Variants in MSRA observed in about 807,000 individuals in gnomAD.
MSRA encodes mitochondrial peptide methionine sulfoxide reductase.
In MSRA, 54 loss-of-function variants were observed where a neutral mutation model predicts 31.3. That is an observed-to-expected ratio of 1.73 (90% CI 1.39 to 2.17). The LOEUF (loss-of-function observed/expected upper bound fraction) is 2.17, where lower values mean the gene tolerates loss of function less well. Among genes scored for constraint, MSRA ranks in the 30% most tolerant of loss-of-function variants. The probability of loss-of-function intolerance (pLI) is 0.00; values close to 1 mark genes in which losing one functional copy is unlikely to be tolerated. For synonymous variants in MSRA, 169 were observed against 116.5 expected (o/e 1.45, Z -2.90); for missense variants, 507 against 300.9 (o/e 1.69, Z -5.07).
chr8:10,102,462 A>G (rs1036714976), intron 1 of MSRA, among the ~76,000 whole-genome samples: 2 of 151,284 alleles, frequency 1.3e-5, no homozygotes, highest in African/African-American at 2.4e-5. Flanking sequence ...TTTATCTGCT[A>G]TGTCTTTACT....
At chr8:10,210,553 C>T (rs958982965) in intron 2 of MSRA, among the ~76,000 whole-genome samples, 14 of 152,134 alleles carry the variant, frequency 9.2e-5, no homozygotes, top group African/African-American at 1.4e-4. Context: ...AGATCTCCTA[C>T]GGCTATCATG....
chr8:10,194,805 C>T (rs1807834661), intron 1 of MSRA, among the ~76,000 whole-genome samples: 1 of 152,198 alleles, frequency 6.6e-6, no homozygotes, highest in East Asian at 1.9e-4. Context: ...AGCTGCCAGC[C>T]ACTCCTACAT....
At chr8:10,183,307 C>T (rs567797259) in intron 1 of MSRA, among the ~76,000 whole-genome samples, 23 of 152,218 alleles carry the variant, frequency 1.5e-4, no homozygotes, top group Non-Finnish European at 2.1e-4. Context: ...GAGAACCAAC[C>T]GAAGACAGAC....
At chr8:10,251,750 A>G (rs1797926945) in intron 3 of MSRA, among the ~76,000 whole-genome samples, 1 of 152,188 alleles carries the variant, frequency 6.6e-6, no homozygotes, top group Non-Finnish European at 1.5e-5. Context: ...GCCTGAAGAA[A>G]AAGTATAGGT....
intron 3 of MSRA, among the ~76,000 whole-genome samples, chr8:10,245,585 G>A (rs886403578): frequency 3.3e-5 from 5 of 152,214 alleles, no homozygotes; most frequent in African/African-American, 4.8e-5. Context: ...CAACCTGTGG[G>A]TTGCCTGGGG....
At chr8:10,076,103 C>G (rs1243629249) in intron 1 of MSRA, among the ~76,000 whole-genome samples, 1 of 152,188 alleles carries the variant, frequency 6.6e-6, no homozygotes, top group Non-Finnish European at 1.5e-5. Context: ...GGCTGTGTGA[C>G]CTTGGATAAA....
At chr8:10,154,709 A>G (rs1052208624) in intron 1 of MSRA, among the ~76,000 whole-genome samples, 1 of 152,160 alleles carries the variant, frequency 6.6e-6, no homozygotes. Context: ...ATAAATTTCC[A>G]TTTTAAATGA....
At chr8:10,400,383 G>A (rs1021029039) in intron 5 of MSRA, among the ~76,000 whole-genome samples, 8 of 86,432 alleles carry the variant, frequency 9.3e-5, no homozygotes, top group African/African-American at 2.4e-4. Flanking sequence ...GTGTGTGTGT[G>A]TAGTGTGTAG....
At chr8:10,327,008 C>T (rs571522325) in intron 5 of MSRA, among the ~76,000 whole-genome samples, 6 of 152,278 alleles carry the variant, frequency 3.9e-5, no homozygotes, top group African/African-American at 1.4e-4. Context: ...TTCTCCTGGC[C>T]ATATGACCTG....
chr8:10,321,114 G>C (rs1022169263), intron 5 of MSRA, among the ~76,000 whole-genome samples: 1 of 152,098 alleles, frequency 6.6e-6, no homozygotes, highest in African/African-American at 2.4e-5. Context: ...ATTATTTTCA[G>C]AGTTGTGTAC....
chr8:10,262,683 C>A (rs1233510207), intron 3 of MSRA, among the ~76,000 whole-genome samples: 1 of 152,112 alleles, frequency 6.6e-6, no homozygotes, highest in Non-Finnish European at 1.5e-5. Flanking sequence ...AAATTTCTTT[C>A]CCCAGGCATC....
At chr8:10,140,143 G>T (rs916014544) in intron 1 of MSRA, among the ~76,000 whole-genome samples, 1 of 152,192 alleles carries the variant, frequency 6.6e-6, no homozygotes. Context: ...ATTAGACAAA[G>T]GAGGAGTGAG....
intron 1 of MSRA, among the ~76,000 whole-genome samples, chr8:10,180,732 G>T (rs57108872): frequency 1.3e-5 from 2 of 152,024 alleles, no homozygotes; most frequent in African/African-American, 2.4e-5. Flanking sequence ...TATATATTTC[G>T]TGTATTTTTG....
chr8:10,154,025 G>A (rs972942156), intron 1 of MSRA, among the ~76,000 whole-genome samples: 15 of 152,322 alleles, frequency 9.8e-5, no homozygotes, highest in African/African-American at 3.6e-4. Context: ...AACCAATGTG[G>A]TCTTGGCTTC....
intron 4 of MSRA, among the ~76,000 whole-genome samples, chr8:10,302,688 G>C (rs998417852): frequency 1.3e-5 from 2 of 152,218 alleles, no homozygotes; most frequent in African/African-American, 4.8e-5. Flanking sequence ...CGAGCAGGGT[G>C]AGGCAGGTTC....
chr8:10,389,109 A>G (rs1020011983), intron 5 of MSRA, among the ~76,000 whole-genome samples: 5 of 152,160 alleles, frequency 3.3e-5, no homozygotes, highest in Admixed American at 6.5e-5. Context: ...AAAAATTCGT[A>G]ACCTCCGGCA....
intron 1 of MSRA, among the ~76,000 whole-genome samples, chr8:10,148,051 G>A (rs531415717): frequency 2.0e-5 from 3 of 152,344 alleles, no homozygotes; most frequent in East Asian, 1.9e-4. Flanking sequence ...ACAGCCGTGG[G>A]GCTGACGTGA....
chr8:10,087,216 T>C (rs957509233), intron 1 of MSRA, among the ~76,000 whole-genome samples: 24 of 152,170 alleles, frequency 1.6e-4, no homozygotes, highest in African/African-American at 5.8e-4. Context: ...ATACTATAAA[T>C]ACAACAAATA....
intron 1 of MSRA, among the ~76,000 whole-genome samples, chr8:10,149,212 C>T (rs1418937488): frequency 1.3e-5 from 2 of 152,006 alleles, no homozygotes; most frequent in African/African-American, 4.8e-5. Flanking sequence ...ACTTCCGCCT[C>T]CCGGGTTCAA....
Sources: allele counts gnomAD v4.1 joint callset (sites outside exome capture counted in the v4.1 genomes callset), GRCh38; gene constraint gnomAD v4.1.1; transcripts MANE v1.5; gene names NCBI Gene and HGNC (gene_info 2026-07-23, HGNC 2026-07-21).